FPR3: variants seen among roughly 807,000 people sequenced by gnomAD.
FPR3 encodes the protein N-formyl peptide receptor 3.
For missense variants in FPR3, 346 were observed against 443.2 expected (o/e 0.78, Z 1.97); for synonymous variants, 135 against 163.6 (o/e 0.83, Z 1.34).
chr19:51,803,465 T>C (rs2084038034), intron 1 of FPR3, among the ~76,000 whole-genome samples: 1 of 152,176 alleles, frequency 6.6e-6, no homozygotes, highest in Admixed American at 6.5e-5. Flanking sequence ...GGAATCCTGT[T>C]ATCAATGTCC....
intron 1 of FPR3, among the ~76,000 whole-genome samples, chr19:51,819,074 T>C (rs2084168285): frequency 6.6e-6 from 1 of 152,116 alleles, no homozygotes; most frequent in South Asian, 2.1e-4. Context: ...AGGACTTGGA[T>C]TGTATTGGGT....
intron 1 of FPR3, chr19:51,803,899 T>C (rs1475645284): frequency 6.6e-6 from 1 of 152,214 alleles, no homozygotes; most frequent in Non-Finnish European, 1.5e-5. Context: ...CCAATTCTCA[T>C]TGCATCGTGG....
In FPR3 at chr19:51,795,501, A is replaced by ATTTTTTTTTTTTTTTT. The variant is rs1361472024; in HGVS notation, c.-11+172_-11+173insTTTTTTTTTTTTTTTT. On this transcript the variant is annotated intron_variant, in intron 1 of 1. Transcript: ENST00000339223. ...TAATTTGGTTACATGTTCCAGTAAC[A>ATTTTTTTTTTTTTTTT]TTCTTTTTTTTTTTTTTTTTTTTTT... Among the ~76,000 whole-genome samples the ATTTTTTTTTTTTTTTT allele has an allele frequency of 1.7e-4, 13 of 77,084 alleles. 2 individuals are homozygous for ATTTTTTTTTTTTTTTT. The highest frequency in any genetic ancestry group is 5.5e-4 in the South Asian group (1 of 1,816). 50.6% of individuals were successfully genotyped at this position (77,084 alleles called of 152,430 possible). A position where few individuals can be genotyped will look rare whatever the true frequency, so the allele number is the denominator to read the frequency against.
At chr19:51,813,152 A>T (rs1379300974) in intron 1 of FPR3, among the ~76,000 whole-genome samples, 1 of 150,960 alleles carries the variant, frequency 6.6e-6, no homozygotes, top group African/African-American at 2.5e-5. Context: ...ACACACACAC[A>T]CACACACACC....
At chr19:51,821,088 T>C (rs937753922) in intron 1 of FPR3, among the ~76,000 whole-genome samples, 2 of 152,136 alleles carry the variant, frequency 1.3e-5, no homozygotes, top group Non-Finnish European at 2.9e-5. Flanking sequence ...GGACCAGAAG[T>C]TCCCATTTGT....
chr19:51,822,797 GTAAA>G (rs557895992), intron 1 of FPR3, among the ~76,000 whole-genome samples: 96 of 152,274 alleles, frequency 6.3e-4, no homozygotes, highest in African/African-American at 2.1e-3. Context: ...ACGGGAGAAA[GTAAA>G]TATAGGGCCC....
At chr19:51,815,405 C>T (rs1279655368) in intron 1 of FPR3, among the ~76,000 whole-genome samples, 1 of 151,990 alleles carries the variant, frequency 6.6e-6, no homozygotes, top group Non-Finnish European at 1.5e-5. Flanking sequence ...ACTGAAAATA[C>T]AAAAATTAGC....
chr19:51,799,830 G>A (rs1245083130), intron 1 of FPR3, among the ~76,000 whole-genome samples: 1 of 152,222 alleles, frequency 6.6e-6, no homozygotes, highest in Admixed American at 6.5e-5. Context: ...AGCCATACAT[G>A]CTTCTCTGGT....
intron 1 of FPR3, among the ~76,000 whole-genome samples, chr19:51,797,874 A>ATTATTTTTTT: frequency 2.8e-5 from 1 of 35,746 alleles, no homozygotes; most frequent in African/African-American, 1.1e-4. Context: ...TTCCATGTCT[A>ATTATTTTTTT]TTCTTTTTTT....
rs771224132 is a variant in FPR3, at chr19:51,823,890, A to T, written c.142A>T (p.Ile48Phe). The change falls in exon 2 of 2, where the codon ATC becomes TTC. Residue 48 changes from isoleucine (I) to phenylalanine (F), a missense_variant. Transcript: ENST00000339223. ...CGGGGTCCTGGGCAATGGGCTTGTG[A>T]TCTGGGTGGCTGGATTCCGGATGAC... ...VFGVLGNGLV[I>F]WVAGFRMTRT... is the part of the protein sequence containing the mutation. 3.7e-6 allele frequency: 6 copies of T among 1,613,960 alleles called. No homozygotes were observed. The Admixed American group carries it at 6.7e-5, about 18-fold the overall frequency.
Position 51,823,820 on chromosome 19 carries a change from T to C in FPR3, c.72T>C (p.Val24=). Residue 24 remains valine, a synonymous_variant, in exon 2 of 2, where the codon GTT becomes GTC. Coordinates refer to ENST00000339223, the MANE Select transcript of FPR3 (RefSeq NM_002030.5). ...EVLPEPAGHT[V]LWIFSLLVHG... The stretch of plus-strand genomic sequence containing the variant: ...TCCCTGAGCCTGCTGGCCACACCGT[T>C]CTGTGGATCTTCTCATTGCTAGTCC... The C allele has an allele frequency of 1.2e-6, 2 of 1,613,944 alleles. No individual in the cohort carries two copies. The highest frequency in any genetic ancestry group is 1.7e-6 in the Non-Finnish European group (2 of 1,179,898).
At chr19:51,817,901 A>C (rs548940667) in intron 1 of FPR3, 3 of 152,340 alleles carry the variant, frequency 2.0e-5, no homozygotes, top group East Asian at 3.9e-4. Flanking sequence ...GACATTTCCT[A>C]AACTCTGGAG....
chr19:51,813,143 C>T (rs973802513), intron 1 of FPR3, among the ~76,000 whole-genome samples: 2 of 151,532 alleles, frequency 1.3e-5, no homozygotes, highest in African/African-American at 2.4e-5. Flanking sequence ...CACACACACA[C>T]ACACACACAC....
intron 1 of FPR3, among the ~76,000 whole-genome samples, chr19:51,815,091 C>T (rs375971280): frequency 3.5e-4 from 53 of 152,062 alleles, no homozygotes; most frequent in Admixed American, 5.9e-4. Context: ...ATTGCAGGCG[C>T]GAGCCACCTT....
At chr19:51,810,955 C>G in intron 1 of FPR3, among the ~76,000 whole-genome samples, 1 of 152,150 alleles carries the variant, frequency 6.6e-6, no homozygotes, top group Admixed American at 6.5e-5. Context: ...GTCTCTAGTT[C>G]TGCTACCAAA....
At position 51,824,284 on chromosome 19, in the gene FPR3, A is replaced by C; in HGVS notation, c.536A>C (p.Asn179Thr). 2 of 1,614,066 alleles carry C rather than the reference A, an allele frequency of 1.2e-6. No individual in the cohort carries two copies. The highest frequency in any genetic ancestry group is 1.7e-6 in the Non-Finnish European group (2 of 1,180,006). Residue 179 changes from asparagine to threonine, a missense_variant, in exon 2 of 2, where the codon AAC becomes ACC. Transcript: ENST00000339223. The surrounding 1 kb of genome is among the most constrained non-coding windows in gnomAD (Gnocchi z 4.7). ...AATGGGGACACATACTGTATTTTCA[A>C]CTTTGCATTCTGGGGTGACACTGCT... ...TTNGDTYCIF[N>T]FAFWGDTAVE... is the part of the protein sequence containing the mutation.
Position 51,824,390 on chromosome 19 carries a change from G to A in FPR3, c.642G>A (p.Met214Ile), listed in dbSNP as rs1020736717. ...TCATTATTGGCTTCAGCGTGCCTAT[G>A]TCCATCATCACAGTCTGCTATGGGA... is the stretch of plus-strand genomic sequence containing the variant. ...LHFIIGFSVP[M>I]SIITVCYGII... is the part of the protein sequence containing the mutation. The change falls in exon 2 of 2, where the codon ATG (methionine) becomes ATA (isoleucine). Residue 214 changes from methionine (M) to isoleucine (I), a missense_variant. Coordinates refer to ENST00000339223, the MANE Select transcript of FPR3 (RefSeq NM_002030.5). The surrounding 1 kb of genome is among the most constrained non-coding windows in gnomAD (Gnocchi z 4.7). 14 of 1,614,118 alleles carry A rather than the reference G, an allele frequency of 8.7e-6. No homozygotes were observed. Among genetic ancestry groups the A allele is most frequent in the Non-Finnish European group, 1.2e-5 (14 of 1,180,002 alleles).
rs779342164 is a variant in FPR3 at position 51,824,116 on chromosome 19, G to A, written c.368G>A (p.Arg123His). 72 of 1,613,714 alleles carry A rather than the reference G, an allele frequency of 4.5e-5. No homozygotes were observed. The Middle Eastern group carries it at 1.2e-3, about 26-fold the overall frequency. Residue 123 changes from arginine to histidine, a missense_variant, in exon 2 of 2, where the codon CGC (arginine) becomes CAC (histidine). Coordinates refer to ENST00000339223, the MANE Select transcript of FPR3 (RefSeq NM_002030.5). This position sits in a 1 kb window ranked among gnomAD's most constrained non-coding sequence, Gnocchi z 4.7. ...CTGATCACCATCATTGCTCTGGACC[G>A]CTGTATTTGTGTCCTGCATCCAGCC... ...VYLITIIALD[R>H]CICVLHPAWA...
rs139215773 is a variant in FPR3 at position 51,799,109 on chromosome 19, C to T, written c.-11+3778C>T. Among the ~76,000 whole-genome samples, 13 of 152,140 alleles carry T rather than the reference C, an allele frequency of 8.5e-5. No homozygotes were observed. In the East Asian group the frequency reaches 1.4e-3, roughly 16 times the overall value. On this transcript the variant is annotated intron_variant, in intron 1 of 1. Coordinates refer to ENST00000339223, the MANE Select transcript of FPR3 (RefSeq NM_002030.5). ...TGACAGAGGAAAAAAGGGAACCATTCGGACATTTGCCCCTGAACTTGAAGT... is the reference window on the plus strand; with the variant it reads ...TGACAGAGGAAAAAAGGGAACCATTTGGACATTTGCCCCTGAACTTGAAGT...
Sources: allele counts gnomAD v4.1 joint callset (sites outside exome capture counted in the v4.1 genomes callset), GRCh38; gene constraint gnomAD v4.1.1; non-coding constraint Gnocchi (gnomAD v3.1); transcripts MANE v1.5; gene names NCBI Gene and HGNC (gene_info 2026-07-23, HGNC 2026-07-21).